Variants in SRGAP2 observed in about 807,000 individuals in gnomAD.
The protein encoded by SRGAP2 is SLIT-ROBO Rho GTPase-activating protein 2.
SRGAP2 carries 15 observed loss-of-function variants against 57.2 expected under a neutral mutation model. That is an observed-to-expected ratio of 0.26 (90% CI 0.18 to 0.40). The LOEUF is 0.40. Ranked by LOEUF, SRGAP2 falls within the 10% of genes least tolerant of loss-of-function variation. The pLI is 1.00. For missense variants in SRGAP2, 520 were observed against 669.6 expected (o/e 0.78, Z 2.47); for synonymous variants, 249 against 248.0 (o/e 1.00, Z -0.04).
intron 17 of SRGAP2, among the ~76,000 whole-genome samples, chr1:206,444,485 G>A (rs1314528706): frequency 6.6e-6 from 1 of 152,160 alleles, no homozygotes; most frequent in Admixed American, 6.5e-5. Flanking sequence ...GACACTACTG[G>A]TTTTCTTTTA....
At chr1:206,319,918 C>T (rs1473665029) in intron 3 of SRGAP2, among the ~76,000 whole-genome samples, 1 of 150,658 alleles carries the variant, frequency 6.6e-6, no homozygotes, top group African/African-American at 2.5e-5. Context: ...AAGCGATTCT[C>T]GTGCCTCAGC....
intron 7 of SRGAP2, among the ~76,000 whole-genome samples, chr1:206,397,217 G>A (rs2790306): frequency 3.3e-5 from 5 of 152,020 alleles, no homozygotes; most frequent in Non-Finnish European, 7.3e-5. Flanking sequence ...TCTTTTGTCA[G>A]CATGATGTTT....
At chr1:206,440,905 G>C (rs1662239433) in intron 17 of SRGAP2, among the ~76,000 whole-genome samples, 1 of 152,172 alleles carries the variant, frequency 6.6e-6, no homozygotes, top group Non-Finnish European at 1.5e-5. Context: ...TTGTGGAGAA[G>C]TTACTGGAAA....
At chr1:206,374,055 C>T (rs1433023094) in intron 4 of SRGAP2, among the ~76,000 whole-genome samples, 3 of 101,214 alleles carry the variant, frequency 3.0e-5, no homozygotes, top group Admixed American at 3.0e-4. Context: ...GACGGAGTTT[C>T]GCTCTGTCAC....
At chr1:206,321,733 A>G (rs1441459616) in intron 3 of SRGAP2, among the ~76,000 whole-genome samples, 19 of 145,712 alleles carry the variant, frequency 1.3e-4, no homozygotes, top group Non-Finnish European at 1.5e-5. Context: ...TTTAATGTTC[A>G]TATTGTTCTA....
intron 21 of SRGAP2, 151 bp downstream of exon 21, chr1:206,455,175 A>C (rs1286605058): frequency 4.2e-6 from 3 of 717,218 alleles, no homozygotes; most frequent in Non-Finnish European, 7.7e-6. Flanking sequence ...TGCTGCTGCA[A>C]GGCGGACAGG....
At chr1:206,288,111 A>G (rs1215444224) in intron 2 of SRGAP2, among the ~76,000 whole-genome samples, 1 of 151,808 alleles carries the variant, frequency 6.6e-6, no homozygotes, top group Non-Finnish European at 1.5e-5. Context: ...ATGGCATTGT[A>G]CCATATGTAC....
At chr1:206,433,420 C>G (rs1553368933) in intron 14 of SRGAP2, among the ~76,000 whole-genome samples, 2 of 152,154 alleles carry the variant, frequency 1.3e-5, no homozygotes, top group Non-Finnish European at 2.9e-5. Context: ...GGGCAGATCA[C>G]TTGAGGCCAG....
At chr1:206,430,020 A>G (rs1661152544) in intron 13 of SRGAP2, 142 bp from the exon 14 acceptor site, 1 of 657,634 alleles carries the variant, frequency 1.5e-6, no homozygotes, top group African/African-American at 1.8e-5. Flanking sequence ...GTGCTCTGGA[A>G]CTTGGAGGAC....
chr1:206,273,812 G>A (rs1670257594), intron 2 of SRGAP2, among the ~76,000 whole-genome samples: 1 of 150,012 alleles, frequency 6.7e-6, no homozygotes, highest in African/African-American at 2.5e-5. Context: ...GAGAATTTAT[G>A]GGTTGAAGTT....
intron 4 of SRGAP2, among the ~76,000 whole-genome samples, chr1:206,357,223 A>T (rs537780374): frequency 6.7e-6 from 1 of 148,362 alleles, no homozygotes; most frequent in Non-Finnish European, 1.5e-5. Flanking sequence ...TTGTTAAAGT[A>T]ATACTGAGCT....
At chr1:206,353,492 C>T (rs1338081179) in intron 4 of SRGAP2, among the ~76,000 whole-genome samples, 2 of 151,696 alleles carry the variant, frequency 1.3e-5, no homozygotes, top group African/African-American at 2.4e-5. Flanking sequence ...ACTAAAAATA[C>T]AAAAATTAGC....
intron 2 of SRGAP2, among the ~76,000 whole-genome samples, chr1:206,288,454 G>T: frequency 1.2e-5 from 1 of 81,378 alleles, no homozygotes; most frequent in African/African-American, 5.1e-5. Flanking sequence ...TTTTGCCTTG[G>T]CAATTTTCTA....
intron 2 of SRGAP2, among the ~76,000 whole-genome samples, chr1:206,265,557 C>T (rs1324995790): frequency 2.6e-5 from 2 of 77,428 alleles, no homozygotes; most frequent in Admixed American, 1.5e-4. Context: ...CCTAGAAAGA[C>T]GGTCACAGAA....
chr1:206,214,291 A>G (rs1180670339), intron 2 of SRGAP2, among the ~76,000 whole-genome samples: 1 of 152,184 alleles, frequency 6.6e-6, no homozygotes, highest in African/African-American at 2.4e-5. Context: ...TTTACCACTT[A>G]CTAAGCATTA....
chr1:206,445,530 A>G (rs1378064745), intron 17 of SRGAP2, among the ~76,000 whole-genome samples: 1 of 152,254 alleles, frequency 6.6e-6, no homozygotes, highest in Non-Finnish European at 1.5e-5. Context: ...ATGGAATACG[A>G]AAGCTAATCA....
chr1:206,461,009 T>C (rs782380264), intron 22 of SRGAP2, 28 bp from the exon 23 acceptor site: 1 of 670,786 alleles, frequency 1.5e-6, no homozygotes, highest in Non-Finnish European at 2.7e-6. Context: ...CTCATTTGCC[T>C]CACCTCCTCC....
intron 4 of SRGAP2, among the ~76,000 whole-genome samples, chr1:206,359,961 T>C (rs1391395366): frequency 6.6e-5 from 10 of 150,702 alleles, no homozygotes; most frequent in African/African-American, 2.0e-4. Context: ...CGCCCGCCAC[T>C]ACGCCCGGCT....
At position 206,458,720 on chromosome 1, in the gene SRGAP2, G is replaced by T. The variant is rs566770978; in HGVS notation, c.2605G>T (p.Val869Leu). The T allele has an allele frequency of 1.3e-6, 1 of 780,380 alleles. No individual in the cohort carries two copies. The highest frequency in any genetic ancestry group is 2.4e-6 in the Non-Finnish European group (1 of 417,816). 48.3% of individuals were successfully genotyped at this position (780,380 alleles called of 1,614,324 possible). Reference sequence around the variant, plus strand: ...CCTGACTGACTCCTCCTCCCCAGGGGTGGGGGCTAGCTGCCGCCCATCCTC... The same window carrying T: ...CCTGACTGACTCCTCCTCCCCAGGGTTGGGGGCTAGCTGCCGCCCATCCTC... ...SSLTDSSSPG[V>L]GASCRPSSQP... Residue 869 changes from valine (V) to leucine (L), a missense_variant, in exon 22 of 23, where the codon GTG becomes TTG. Around this residue, in one of 5 missense-constraint regions of SRGAP2, gnomAD observed 478 missense variants for 373.6 expected, o/e 1.28. Transcript: ENST00000573034.
Sources: allele counts gnomAD v4.1 joint callset (sites outside exome capture counted in the v4.1 genomes callset), GRCh38; gene constraint gnomAD v4.1.1; regional missense constraint gnomAD v4.1.1; transcripts MANE v1.5; gene names NCBI Gene and HGNC (gene_info 2026-07-23, HGNC 2026-07-21).